The following UBR2 variants were observed in gnomAD, a reference collection of about 807,000 sequenced individuals.
UBR2 encodes ubiquitin protein ligase E3 component n-recognin 2.
UBR2 carries 92 observed loss-of-function variants against 247.9 expected under a neutral mutation model. That is an observed-to-expected ratio of 0.37 (90% CI 0.31 to 0.44). The LOEUF is 0.44. UBR2 is among the 20% of genes least tolerant of loss of function. UBR2 has a pLI of 1.00. For synonymous variants in UBR2, 672 were observed against 693.5 expected (o/e 0.97, Z 0.49); for missense variants, 1,613 against 2,112.6 (o/e 0.76, Z 4.64).
rs975582166 is a variant in UBR2 at position 42,647,439 on chromosome 6, A to G, written c.2410-679A>G. On this transcript the variant is annotated intron_variant, in intron 21 of 46. Transcript: ENST00000372901. ...TACTAAAAAAAAAAAAAAAAAAAAAAAAAAAAATTAGCCAGGTGTGGTGGC... is the reference window on the plus strand; with the variant it reads ...TACTAAAAAAAAAAAAAAAAAAAAAGAAAAAAATTAGCCAGGTGTGGTGGC... 1.4e-3 allele frequency among the ~76,000 whole-genome samples: 164 copies of G among 114,342 alleles called. 3 individuals are homozygous for G. The highest frequency in any genetic ancestry group is 2.0e-3 in the Non-Finnish European group (106 of 52,342). The allele number at this position is 114,342 out of a possible 152,430, so 75.0% of individuals were successfully genotyped here. A position where few individuals can be genotyped will look rare whatever the true frequency, so the allele number is the denominator to read the frequency against.
chr6:42,680,984 A>G (rs1310691196), intron 42 of UBR2, among the ~76,000 whole-genome samples: 1 of 152,094 alleles, frequency 6.6e-6, no homozygotes, highest in Non-Finnish European at 1.5e-5. Context: ...TAACACGATG[A>G]AACCCCGTCT....
chr6:42,613,150 T>G (rs750442818), intron 8 of UBR2, among the ~76,000 whole-genome samples: 36 of 152,210 alleles, frequency 2.4e-4, no homozygotes, highest in Non-Finnish European at 4.3e-4. Flanking sequence ...TTTCTCTTTA[T>G]GTAATGGTAA....
chr6:42,564,356 G>T lies in UBR2; in HGVS notation c.37G>T (p.Asp13Tyr). The change falls in exon 1 of 47, where the codon GAC (aspartate) becomes TAC (tyrosine). Residue 13 changes from aspartate (D) to tyrosine (Y), a missense_variant. Physicochemically the swap from Asp to Tyr is radical, Grantham distance 160. Around this residue, in one of 3 missense-constraint regions of UBR2, gnomAD observed 1,524 missense variants for 1,967.3 expected, o/e 0.77. Transcript: ENST00000372901. ...GCTAGAGCCAGAGGTGCAGGCCATC[G>T]ACCGGAGCTTGCTGGAATGTTCGGC... ...SELEPEVQAI[D>Y]RSLLECSAEE... is the part of the protein sequence containing the mutation. 1 of 1,612,302 alleles carries T rather than the reference G, an allele frequency of 6.2e-7. No individual in the cohort carries two copies. Among genetic ancestry groups the T allele is most frequent in the Non-Finnish European group, 8.5e-7 (1 of 1,179,356 alleles).
chr6:42,615,223 G>T (rs752037411), intron 9 of UBR2, 45 bp downstream of exon 9: 1 of 1,431,554 alleles, frequency 7.0e-7, no homozygotes, highest in South Asian at 1.4e-5. Flanking sequence ...ACCTATATAA[G>T]TAATTGGGAT....
At chr6:42,591,080 C>T (rs557148988) in intron 2 of UBR2, among the ~76,000 whole-genome samples, 2 of 152,254 alleles carry the variant, frequency 1.3e-5, no homozygotes, top group East Asian at 3.9e-4. Flanking sequence ...GGCAAAACCT[C>T]GTCTCTAGTA....
intron 11 of UBR2, among the ~76,000 whole-genome samples, chr6:42,623,752 T>C (rs978070383): frequency 1.4e-4 from 21 of 152,280 alleles, no homozygotes; most frequent in African/African-American, 5.1e-4. Flanking sequence ...ACCCGGCTGG[T>C]TTTTGTTTAT....
At chr6:42,628,935 T>C (rs1795521964) in intron 11 of UBR2, among the ~76,000 whole-genome samples, 1 of 152,084 alleles carries the variant, frequency 6.6e-6, no homozygotes, top group Non-Finnish European at 1.5e-5. Flanking sequence ...TGCTGTTAAA[T>C]AGGTAATGAG....
chr6:42,666,072 T>C, intron 33 of UBR2, 95 bp from the exon 34 acceptor site: 1 of 1,062,880 alleles, frequency 9.4e-7, no homozygotes. Flanking sequence ...AGGGAATTTT[T>C]TTCCTTTTGT....
chr6:42,640,020 C>G (rs1161212161), intron 15 of UBR2, among the ~76,000 whole-genome samples, 189 bp from the exon 16 acceptor site: 2 of 152,004 alleles, frequency 1.3e-5, no homozygotes, highest in African/African-American at 4.8e-5. Flanking sequence ...GAGCGAGACT[C>G]CGTCTCAAAA....
chr6:42,573,135 G>T (rs540810182), intron 1 of UBR2, among the ~76,000 whole-genome samples: 33 of 152,154 alleles, frequency 2.2e-4, no homozygotes, highest in African/African-American at 7.7e-4. Context: ...TTTTTAGTGG[G>T]GAGAGCAAAC....
chr6:42,615,872 A>G, intron 9 of UBR2, 130 bp from the exon 10 acceptor site: 1 of 617,672 alleles, frequency 1.6e-6, no homozygotes, highest in Non-Finnish European at 2.6e-6. Context: ...AGCCTGGGCA[A>G]CACAGCAAGA....
At chr6:42,632,950 T>A in intron 13 of UBR2, 46 bp downstream of exon 13, 17 of 1,049,758 alleles carry the variant, frequency 1.6e-5, no homozygotes, top group East Asian at 2.9e-5. Context: ...TTTTTTTTTC[T>A]CTTTTCTCTT....
At chr6:42,566,624 G>C (rs1302013319) in intron 1 of UBR2, among the ~76,000 whole-genome samples, 3 of 152,160 alleles carry the variant, frequency 2.0e-5, no homozygotes, top group Non-Finnish European at 4.4e-5. Flanking sequence ...CTGACCTCAG[G>C]TTATCCGTCC....
chr6:42,587,507 G>T (rs950577320), intron 2 of UBR2, among the ~76,000 whole-genome samples: 1 of 151,958 alleles, frequency 6.6e-6, no homozygotes, highest in Non-Finnish European at 1.5e-5. Context: ...ACAGGTGCAT[G>T]CTGCCATGTC....
chr6:42,691,266 T>A lies in UBR2; in HGVS notation c.*93T>A. 6.5e-7 allele frequency: 1 copy of A among 1,527,282 alleles called. No homozygotes were observed. Among genetic ancestry groups the A allele is most frequent in the Non-Finnish European group, 8.9e-7 (1 of 1,124,018 alleles). 94.6% of individuals were successfully genotyped at this position (1,527,282 alleles called of 1,614,324 possible). ...AGTTCTGCTGAATTTGGAAATAAATTCTTTATTTAAACTTTCCTTCCCAGT... is the reference window on the plus strand; with the variant it reads ...AGTTCTGCTGAATTTGGAAATAAATACTTTATTTAAACTTTCCTTCCCAGT... On this transcript the variant is annotated 3_prime_UTR_variant, in exon 47 of 47. Coordinates refer to ENST00000372901, the MANE Select transcript of UBR2 (RefSeq NM_001363705.2).
chr6:42,670,058 T>A (rs1798341532), intron 34 of UBR2, 34 bp from the exon 35 acceptor site: 2 of 1,609,140 alleles, frequency 1.2e-6, no homozygotes, highest in African/African-American at 2.7e-5. Flanking sequence ...ATGTGCACAT[T>A]GTTCTGAGCT....
intron 24 of UBR2, 91 bp downstream of exon 24, chr6:42,652,162 A>T: frequency 8.1e-7 from 1 of 1,229,706 alleles, no homozygotes; most frequent in Non-Finnish European, 1.1e-6. Flanking sequence ...CCTTGGTGGA[A>T]TGAATATTTA....
chr6:42,647,356 C>T (rs1320281998), intron 21 of UBR2, among the ~76,000 whole-genome samples: 1 of 141,874 alleles, frequency 7.0e-6, no homozygotes, highest in Non-Finnish European at 1.5e-5. Flanking sequence ...CCAAGGTGGG[C>T]GGATCAGGAA....
chr6:42,687,832 C>T (rs1799531512), intron 44 of UBR2, among the ~76,000 whole-genome samples: 1 of 152,222 alleles, frequency 6.6e-6, no homozygotes, highest in Non-Finnish European at 1.5e-5. Flanking sequence ...TGAGCCACTG[C>T]ACCCAGCCAA....
Sources: gnomAD v4.1 joint callset for allele counts (sites outside exome capture counted in the v4.1 genomes callset) on GRCh38, gnomAD v4.1.1 for gene constraint, gnomAD v4.1.1 regional missense constraint, MANE v1.5 for transcripts, NCBI Gene and HGNC (gene_info 2026-07-23, HGNC 2026-07-21) for gene names.